Variants in ARHGEF28 observed in about 807,000 individuals in gnomAD.
ARHGEF28 encodes the protein 190 kDa guanine nucleotide exchange factor.
A neutral mutation model predicts 206.6 loss-of-function variants in ARHGEF28; 152 were observed. The ratio of observed to expected loss-of-function variants is 0.74; its 90% CI spans 0.64 to 0.84. The LOEUF (loss-of-function observed/expected upper bound fraction) is 0.84. Ranked by LOEUF, ARHGEF28 falls within the 40% of genes least tolerant of loss-of-function variation. The pLI is 0.00. For missense variants in ARHGEF28, 2,028 were observed against 2,073.2 expected (o/e 0.98, Z 0.42); for synonymous variants, 763 against 776.4 (o/e 0.98, Z 0.29).
chr5:73,794,815 C>G (rs1454200357), intron 8 of ARHGEF28, among the ~76,000 whole-genome samples: 1 of 152,082 alleles, frequency 6.6e-6, no homozygotes, highest in Admixed American at 6.5e-5. Context: ...CCATGTTGGC[C>G]AAGGTGGTCT....
chr5:73,761,039 A>G (rs1379103529), intron 4 of ARHGEF28, among the ~76,000 whole-genome samples: 1 of 152,190 alleles, frequency 6.6e-6, no homozygotes, highest in Non-Finnish European at 1.5e-5. Context: ...AATTTTCAAG[A>G]ACAAAAAATG....
At chr5:73,679,083 G>T (rs921340155) in intron 1 of ARHGEF28, among the ~76,000 whole-genome samples, 1 of 152,188 alleles carries the variant, frequency 6.6e-6, no homozygotes, top group African/African-American at 2.4e-5. Context: ...TAGAGATAGG[G>T]TCTTGCTATG....
At chr5:73,929,401 A>G (rs1229264143) in intron 35 of ARHGEF28, among the ~76,000 whole-genome samples, 1 of 152,214 alleles carries the variant, frequency 6.6e-6, no homozygotes, top group Non-Finnish European at 1.5e-5. Context: ...TAAAATCATT[A>G]TCACACCTAA....
At chr5:73,843,024 G>A (rs1303398251) in intron 11 of ARHGEF28, among the ~76,000 whole-genome samples, 1 of 151,044 alleles carries the variant, frequency 6.6e-6, no homozygotes, top group Non-Finnish European at 1.5e-5. Flanking sequence ...AGGTGTGTGA[G>A]CCCCCAGATC....
chr5:73,671,607 C>T (rs1196282689), intron 1 of ARHGEF28, among the ~76,000 whole-genome samples: 1 of 150,524 alleles, frequency 6.6e-6, no homozygotes, highest in East Asian at 1.9e-4. Context: ...GATATGATCA[C>T]ATGCAGTTGT....
rs369617231 is a variant in ARHGEF28 at position 73,820,605 on chromosome 5, G to T, written c.1025-11733G>T. Among the ~76,000 whole-genome samples, 56 of 152,216 alleles carry T rather than the reference G, an allele frequency of 3.7e-4. 2 individuals carry two copies. Among genetic ancestry groups the T allele is most frequent in the African/African-American group, 1.3e-3 (54 of 41,532 alleles). On this transcript the variant is annotated intron_variant, in intron 9 of 35. Coordinates refer to ENST00000513042, the MANE Select transcript of ARHGEF28 (RefSeq NM_001177693.2). ...TCTCCTTCTGGCTTCACCCTGACTT[G>T]GCCCCACCCTGGCTCTTACCCTACA...
chr5:73,736,515 T>C (rs1046337511), intron 2 of ARHGEF28, among the ~76,000 whole-genome samples: 1 of 152,212 alleles, frequency 6.6e-6, no homozygotes, highest in Non-Finnish European at 1.5e-5. Context: ...CTTAGAATGG[T>C]ACTTGGTACA....
chr5:73,869,538 T>C (rs533093797), intron 20 of ARHGEF28, among the ~76,000 whole-genome samples: 105 of 152,304 alleles, frequency 6.9e-4, no homozygotes, highest in Non-Finnish European at 2.2e-4. Flanking sequence ...ATATGAACAC[T>C]CTTTTTAAAT....
At chr5:73,670,425 T>C (rs1209432708) in intron 1 of ARHGEF28, among the ~76,000 whole-genome samples, 2 of 152,246 alleles carry the variant, frequency 1.3e-5, no homozygotes, top group African/African-American at 2.4e-5. Flanking sequence ...ACATTTGGGC[T>C]GATTCTAATT....
intron 1 of ARHGEF28, among the ~76,000 whole-genome samples, chr5:73,629,457 AGAT>A (rs1003167444): frequency 3.3e-5 from 5 of 150,950 alleles, no homozygotes; most frequent in African/African-American, 1.2e-4. Context: ...CAGTGAGCTG[AGAT>A]GGTGCCACCA....
intron 6 of ARHGEF28, 58 bp from the exon 7 acceptor site, chr5:73,780,618 T>A (rs1666754755): frequency 1.3e-6 from 2 of 1,499,182 alleles, no homozygotes; most frequent in Non-Finnish European, 1.8e-6. Context: ...GTTGTATATC[T>A]GGAACCTCAA....
intron 10 of ARHGEF28, among the ~76,000 whole-genome samples, chr5:73,836,721 A>G (rs970919096): frequency 3.3e-5 from 5 of 152,150 alleles, no homozygotes; most frequent in Non-Finnish European, 7.4e-5. Context: ...GTCACATCCA[A>G]AAAATAATTG....
intron 9 of ARHGEF28, among the ~76,000 whole-genome samples, chr5:73,820,680 G>A (rs1055009653): frequency 7.2e-5 from 11 of 152,172 alleles, no homozygotes; most frequent in African/African-American, 2.7e-4. Context: ...GCTTCCCCCA[G>A]AAACGTCTGC....
chr5:73,865,532 C>T (rs1228062127), intron 17 of ARHGEF28, among the ~76,000 whole-genome samples: 4 of 152,200 alleles, frequency 2.6e-5, no homozygotes, highest in East Asian at 1.9e-4. Context: ...ACACATATTG[C>T]GTCAGATCAC....
At chr5:73,804,511 C>T (rs1168729217) in intron 9 of ARHGEF28, among the ~76,000 whole-genome samples, 1 of 152,136 alleles carries the variant, frequency 6.6e-6, no homozygotes, top group Non-Finnish European at 1.5e-5. Context: ...ATACTTGTTG[C>T]TCCCATTCTT....
chr5:73,785,282 T>C (rs1050997832), intron 7 of ARHGEF28, among the ~76,000 whole-genome samples: 2 of 152,148 alleles, frequency 1.3e-5, no homozygotes, highest in African/African-American at 2.4e-5. Context: ...AACTTAGCAG[T>C]TCTCTAAATT....
chr5:73,768,699 T>C (rs1753046473), intron 4 of ARHGEF28, among the ~76,000 whole-genome samples: 1 of 152,032 alleles, frequency 6.6e-6, no homozygotes, highest in African/African-American at 2.4e-5. Context: ...CTGTGGACTT[T>C]TGAGTTAATG....
chr5:73,933,617 T>G (rs1764256358), intron 35 of ARHGEF28, among the ~76,000 whole-genome samples: 1 of 152,210 alleles, frequency 6.6e-6, no homozygotes, highest in South Asian at 2.1e-4. Context: ...ACTTTTAAAA[T>G]GTTATAGAAC....
In ARHGEF28 at chr5:73,798,639, C is replaced by A. The variant is rs562877225; in HGVS notation, c.1024+3248C>A. Among the ~76,000 whole-genome samples, 6 of 152,180 alleles carry A rather than the reference C, an allele frequency of 3.9e-5. No individual in the cohort carries two copies. The South Asian group carries it at 1.2e-3, about 32-fold the overall frequency. The stretch of plus-strand genomic sequence containing the variant: ...GTTGCTATCATAGTGCAGAGTGGGA[C>A]TCCTTCATATTCTAGGCAGGTAGGA... On this transcript the variant is annotated intron_variant, in intron 9 of 35. Transcript: ENST00000513042.
Sources: allele counts gnomAD v4.1 joint callset (sites outside exome capture counted in the v4.1 genomes callset), GRCh38; gene constraint gnomAD v4.1.1; transcripts MANE v1.5; gene names NCBI Gene and HGNC (gene_info 2026-07-23, HGNC 2026-07-21).